KLF5: variants seen among roughly 807,000 people sequenced by gnomAD.
KLF5 encodes Krueppel-like factor 5.
In KLF5, 9 loss-of-function variants were observed where a neutral mutation model predicts 36.9. The ratio of observed to expected loss-of-function variants is 0.24; its 90% CI spans 0.15 to 0.43. The LOEUF is 0.43. Ranked by LOEUF, KLF5 falls within the 20% of genes least tolerant of loss-of-function variation. The pLI is 1.00. For missense variants in KLF5, 524 were observed against 599.5 expected, an observed-to-expected ratio of 0.87 and a Z score of 1.31; for synonymous variants, 246 against 241.7, an observed-to-expected ratio of 1.02 and a Z score of -0.17.
At chr13:73,071,247 T>C (rs1284971307) in intron 3 of KLF5, among the ~76,000 whole-genome samples, 2 of 152,160 alleles carry the variant, frequency 1.3e-5, no homozygotes, top group African/African-American at 4.8e-5. Flanking sequence ...GAGTGAGGTA[T>C]CGGATTTTAA....
At chr13:73,063,082 GTTAC>G (rs1382666680) in intron 2 of KLF5, among the ~76,000 whole-genome samples, 2 of 151,996 alleles carry the variant, frequency 1.3e-5, no homozygotes, top group Non-Finnish European at 2.9e-5. Flanking sequence ...TTAGGCCAGA[GTTAC>G]TTTAAAATGG....
chr13:73,070,441 C>T (rs955002065), intron 3 of KLF5, among the ~76,000 whole-genome samples: 3 of 152,114 alleles, frequency 2.0e-5, no homozygotes, highest in African/African-American at 4.8e-5. Flanking sequence ...AGTGTTGTCT[C>T]GTTATCAGGA....
In KLF5 at chr13:73,059,345, G is replaced by A. The variant is rs1031622137; in HGVS notation, c.18G>A (p.Leu6=). The change falls in exon 1 of 4, where the codon CTG becomes CTA. Residue 6 remains leucine (L), a synonymous_variant. Coordinates refer to ENST00000377687, the MANE Select transcript of KLF5 (RefSeq NM_001730.5). ...GAGTGCCCATGGCTACAAGGGTGCT[G>A]AGCATGAGCGCCCGCCTGGGACCCG... MATRV[L]SMSARLGPVP... 2.1e-5 allele frequency: 30 copies of A among 1,416,720 alleles called. No individual in the cohort carries two copies. Among genetic ancestry groups the A allele is most frequent in the Admixed American group, 2.9e-5 (1 of 34,888 alleles). 87.8% of individuals were successfully genotyped at this position (1,416,720 alleles called of 1,614,324 possible). A position where few individuals can be genotyped will look rare whatever the true frequency, so the allele number is the denominator to read the frequency against.
chr13:73,058,988 G>A (rs906949993), upstream of KLF5: 18 of 198,854 alleles, frequency 9.1e-5, no homozygotes, highest in Middle Eastern at 1.8e-3. Context: ...AAATAGAGGC[G>A]GGCGTCAAGT....
upstream of KLF5, among the ~76,000 whole-genome samples, chr13:73,058,031 C>T (rs1053541411): frequency 2.6e-5 from 4 of 152,154 alleles, no homozygotes; most frequent in Admixed American, 2.6e-4. Context: ...ATTGTCTCTT[C>T]GTAGGAAAAG....
At position 73,075,993 on chromosome 13, in the gene KLF5, A is replaced by C; in HGVS notation, c.*107A>C. 3.3e-6 allele frequency: 3 copies of C among 896,652 alleles called. No individual in the cohort carries two copies. Among genetic ancestry groups the C allele is most frequent in the Non-Finnish European group, 3.2e-6 (2 of 628,606 alleles). The allele number at this position is 896,652 out of a possible 1,614,324, so 55.5% of individuals were successfully genotyped here. ...AACAAACAAAAGCAAGAAAACCACA[A>C]CTAAAACTGGAAATGTATATTTTGT... On this transcript the variant is annotated 3_prime_UTR_variant, in exon 4 of 4. Coordinates refer to ENST00000377687, the MANE Select transcript of KLF5 (RefSeq NM_001730.5).
Position 73,063,812 on chromosome 13 carries a change from C to G in KLF5, c.1136-12C>G. On this transcript the variant is annotated splice_polypyrimidine_tract_variant and intron_variant, in intron 2 of 3. Coordinates refer to ENST00000377687, the MANE Select transcript of KLF5 (RefSeq NM_001730.5). ...GATCTCCAAAATGACATGCTGTTCT[C>G]CTTTATTTTAGGTTGCACAAAAGTT... The G allele has an allele frequency of 5.1e-6, 8 of 1,581,612 alleles. No individual in the cohort carries two copies. The highest frequency in any genetic ancestry group is 6.9e-6 in the Non-Finnish European group (8 of 1,151,154).
At position 73,062,028 on chromosome 13, in the gene KLF5, C is replaced by G; in HGVS notation, c.429C>G (p.Ile143Met). The G allele has an allele frequency of 6.2e-7, 1 of 1,614,114 alleles. No individual in the cohort carries two copies. The highest frequency in any genetic ancestry group is 1.3e-5 in the African/African-American group (1 of 75,012). The change falls in exon 2 of 4, where the codon ATC (isoleucine) becomes ATG (methionine). Residue 143 changes from isoleucine (I) to methionine (M), a missense_variant. Physicochemically the swap from Ile to Met is conservative, Grantham distance 10. Coordinates refer to ENST00000377687, the MANE Select transcript of KLF5 (RefSeq NM_001730.5). ...ACATGAACGTCTTCCTCCCTGACAT[C>G]ACTCACCTGAGAACTGGCCTCTACA... ...SINMNVFLPD[I>M]THLRTGLYKS...
Position 73,077,169 on chromosome 13 carries a change from T to A in KLF5, c.*1283T>A, listed in dbSNP as rs1269554868. On this transcript the variant is annotated 3_prime_UTR_variant, in exon 4 of 4. Coordinates refer to ENST00000377687, the MANE Select transcript of KLF5 (RefSeq NM_001730.5). The stretch of plus-strand genomic sequence containing the variant: ...TTGAAATGAAAATTTAATTTTGTTT[T>A]TAAAATATTGTTTATCTTTATTTAT... The A allele has an allele frequency of 6.6e-6, 1 of 152,664 alleles. No individual in the cohort carries two copies. The highest frequency in any genetic ancestry group is 1.5e-5 in the Non-Finnish European group (1 of 68,030). The allele number at this position is 152,664 out of a possible 1,614,324, so 9.5% of individuals were successfully genotyped here.
At chr13:73,074,853 C>T (rs1364719960) in intron 3 of KLF5, among the ~76,000 whole-genome samples, 1 of 152,118 alleles carries the variant, frequency 6.6e-6, no homozygotes, top group African/African-American at 2.4e-5. Context: ...TTTTGTTAGC[C>T]ATTGTATCAC....
At position 73,059,199 on chromosome 13, in the gene KLF5, T is replaced by A. The variant is rs1286386936; in HGVS notation, c.-129T>A. On this transcript the variant is annotated 5_prime_UTR_variant, in exon 1 of 4. Coordinates refer to ENST00000377687, the MANE Select transcript of KLF5 (RefSeq NM_001730.5). ...CGCCTTCGAAAACTGCCTGCCGCTG[T>A]CTGAGGAGTCCACCCGAAACCTCCC... 5.8e-6 allele frequency: 5 copies of A among 856,514 alleles called. No homozygotes were observed. Among genetic ancestry groups the A allele is most frequent in the East Asian group, 6.8e-5 (2 of 29,324 alleles). The allele number at this position is 856,514 out of a possible 1,614,324, so 53.1% of individuals were successfully genotyped here.
intron 3 of KLF5, among the ~76,000 whole-genome samples, chr13:73,067,489 A>C (rs1432546795): frequency 6.6e-6 from 1 of 152,232 alleles, no homozygotes; most frequent in Non-Finnish European, 1.5e-5. Context: ...TTGAAGTCCT[A>C]GCGGTTCCCT....
intron 2 of KLF5, 116 bp from the exon 3 acceptor site, chr13:73,063,707 TA>T: frequency 1.5e-6 from 1 of 686,576 alleles, no homozygotes; most frequent in Non-Finnish European, 2.5e-6. Context: ...AAGCTTCAAA[TA>T]ATCTCATCTA....
intron 1 of KLF5, 75 bp from the exon 2 acceptor site, chr13:73,061,786 G>C (rs1273251077): frequency 7.0e-7 from 1 of 1,419,370 alleles, no homozygotes; most frequent in East Asian, 2.3e-5. Flanking sequence ...GGAATTTTTA[G>C]TAGGCGCCGA....
At chr13:73,075,405 A>C (rs1762224394) in intron 3 of KLF5, among the ~76,000 whole-genome samples, 1 of 152,238 alleles carries the variant, frequency 6.6e-6, no homozygotes, top group Admixed American at 6.5e-5. Flanking sequence ...GTGTAGGAGT[A>C]CATAAAAATA....
chr13:73,068,703 CAAAAAAAAAAAA>C (rs59878653), intron 3 of KLF5, among the ~76,000 whole-genome samples: 2 of 93,216 alleles, frequency 2.1e-5, no homozygotes, highest in Non-Finnish European at 4.1e-5. Flanking sequence ...GACTCCATCT[CAAAAAAAAAAAA>C]AAAAAAAAAA....
Position 73,063,601 on chromosome 13 carries a change from A to T in KLF5, c.1136-223A>T, listed in dbSNP as rs112180999. Among the ~76,000 whole-genome samples, 378 of 152,314 alleles carry T rather than the reference A, an allele frequency of 2.5e-3. 3 individuals are homozygous for T. The highest frequency in any genetic ancestry group is 8.8e-3 in the African/African-American group (364 of 41,582). ...TTTCCATTTGTAGTTTGGCTTGATT[A>T]TCTGTATTCTTTCCTGTTAAAGTGA... On this transcript the variant is annotated intron_variant, in intron 2 of 3. Transcript: ENST00000377687.
At chr13:73,068,659 G>T (rs965941383) in intron 3 of KLF5, among the ~76,000 whole-genome samples, 1 of 142,212 alleles carries the variant, frequency 7.0e-6, no homozygotes, top group Non-Finnish European at 1.5e-5. Flanking sequence ...AGCTGAGATC[G>T]TGCCACTGCA....
At chr13:73,074,164 CTG>C (rs2044742220) in intron 3 of KLF5, among the ~76,000 whole-genome samples, 1 of 152,176 alleles carries the variant, frequency 6.6e-6, no homozygotes, top group African/African-American at 2.4e-5. Flanking sequence ...TCTTCTTTGT[CTG>C]AGAGTCAGAG....
Sources: gnomAD v4.1 joint callset for allele counts (sites outside exome capture counted in the v4.1 genomes callset) on GRCh38, gnomAD v4.1.1 for gene constraint, MANE v1.5 for transcripts, NCBI Gene and HGNC (gene_info 2026-07-23, HGNC 2026-07-21) for gene names.